NDUFA11: variants seen among roughly 807,000 people sequenced by gnomAD.
NDUFA11 encodes the protein NADH dehydrogenase [ubiquinone] 1 alpha subcomplex subunit 11.
NDUFA11 carries 14 observed loss-of-function variants against 11.3 expected under a neutral mutation model. The ratio of observed to expected loss-of-function variants is 1.24; its 90% confidence interval spans 0.82 to 1.94. The LOEUF is 1.94. Among genes scored for constraint, NDUFA11 ranks in the 30% most tolerant of loss-of-function variants. The pLI is 0.00. For synonymous variants in NDUFA11, 87 were observed against 85.6 expected (o/e 1.02, Z -0.09); for missense variants, 204 against 200.3 (o/e 1.02, Z -0.11).
chr19:5,895,000 G>A (rs1168371211), intron 3 of NDUFA11, 146 bp from the exon 4 acceptor site: 1 of 911,784 alleles, frequency 1.1e-6, no homozygotes. Context: ...TCAGGAAGAG[G>A]GCCCTAGACT....
chr19:5,894,873 G>A lies in NDUFA11; in HGVS notation c.314-19C>T, dbSNP rs761826291. ...TTGTGCGCTGTGGGAGTGGGGAGGT[G>A]ATGTCAGGCCCGGGTGGGGCTCGGC... On this transcript the variant is annotated intron_variant, in intron 3 of 3. Coordinates refer to ENST00000308961, the MANE Select transcript of NDUFA11 (RefSeq NM_175614.5). 6.3e-7 allele frequency: 1 copy of A among 1,584,326 alleles called. No homozygotes were observed. The highest frequency in any genetic ancestry group is 8.6e-7 in the Non-Finnish European group (1 of 1,164,462).
Position 5,896,459 on chromosome 19 carries a change from C to T in NDUFA11, c.307G>A (p.Ala103Thr). The change falls in exon 3 of 4, where the codon GCA (alanine) becomes ACA (threonine). Residue 103 changes from alanine (A) to threonine (T), a missense_variant. Coordinates refer to ENST00000308961, the MANE Select transcript of NDUFA11 (RefSeq NM_175614.5). The surrounding 1 kb of genome is among the most constrained non-coding windows in gnomAD (Gnocchi z 5.8). The part of the protein sequence containing the change: ...GGCAGGLTLG[A>T]RTHNYGIGAA... ...TGGGGAGGGGGCCACTCACTGCGTG[C>T]TCCCAGAGTCAGGCCTCCGGCGCAG... 1 of 1,571,650 alleles carries T rather than the reference C, an allele frequency of 6.4e-7. No individual in the cohort carries two copies. Among genetic ancestry groups the T allele is most frequent in the Non-Finnish European group, 8.6e-7 (1 of 1,159,022 alleles).
intron 1 of NDUFA11, among the ~76,000 whole-genome samples, chr19:5,897,925 C>T (rs1035735104): frequency 2.0e-5 from 3 of 152,218 alleles, no homozygotes; most frequent in African/African-American, 7.2e-5. Context: ...AGCCGGGGCT[C>T]CCCAATCCTC....
chr19:5,896,318 C>T lies in NDUFA11; in HGVS notation c.313+135G>A. 2 of 1,073,922 alleles carry T rather than the reference C, an allele frequency of 1.9e-6. No individual in the cohort carries two copies. Among genetic ancestry groups the T allele is most frequent in the South Asian group, 3.1e-5 (2 of 65,236 alleles). 66.5% of individuals were successfully genotyped at this position (1,073,922 alleles called of 1,614,324 possible). On this transcript the variant is annotated intron_variant, in intron 3 of 3. Transcript: ENST00000308961. This position sits in a 1 kb window ranked among gnomAD's most constrained non-coding sequence, Gnocchi z 5.8. ...GCAGCAGCAGCAGCTGTCGCTATGA[C>T]TGAAATGGCTGGTGTTCAAGAAGGC...
In NDUFA11 at chr19:5,896,455, C is replaced by A. The variant is rs199842745; in HGVS notation, c.311G>T (p.Arg104Leu). The change falls in exon 3 of 4, where the codon CGC becomes CTC. Residue 104 changes from arginine to leucine, a missense_variant and splice_region_variant. By Grantham distance (102) the Arg-to-Leu change is moderately radical. Transcript: ENST00000308961. This position sits in a 1 kb window ranked among gnomAD's most constrained non-coding sequence, Gnocchi z 5.8. Reference protein sequence around the residue: ...GCAGGLTLGARTHNYGIGAAA... With the variant: ...GCAGGLTLGALTHNYGIGAAA... ...GGGGTGGGGAGGGGGCCACTCACTG[C>A]GTGCTCCCAGAGTCAGGCCTCCGGC... is the stretch of plus-strand genomic sequence containing the variant. The A allele has an allele frequency of 8.8e-4, 1,384 of 1,570,574 alleles. 1 individual carries two copies. Among genetic ancestry groups the A allele is most frequent in the Non-Finnish European group, 9.4e-4 (1,093 of 1,158,518 alleles).
At chr19:5,899,815 A>G (rs935659441) in intron 1 of NDUFA11, 10 of 151,972 alleles carry the variant, frequency 6.6e-5, no homozygotes, top group African/African-American at 2.4e-4. Flanking sequence ...TGGGACCTGA[A>G]AAGTCCTGAT....
intron 1 of NDUFA11, among the ~76,000 whole-genome samples, chr19:5,897,394 C>T (rs1193399089): frequency 2.0e-5 from 3 of 152,164 alleles, no homozygotes; most frequent in African/African-American, 4.8e-5. Flanking sequence ...AGCCTCACAC[C>T]GCCAGCTCAG....
At chr19:5,900,267 TC>T (rs2057636659) in intron 1 of NDUFA11, among the ~76,000 whole-genome samples, 2 of 152,188 alleles carry the variant, frequency 1.3e-5, no homozygotes, top group Non-Finnish European at 2.9e-5. Flanking sequence ...CAGTGTGAAT[TC>T]ATTCATTCAT....
downstream of NDUFA11, chr19:5,893,377 G>A (rs1396123506): frequency 1.6e-6 from 1 of 626,752 alleles, no homozygotes; most frequent in Non-Finnish European, 2.8e-6. The surrounding 1 kb of genome is among the most constrained non-coding windows in gnomAD (Gnocchi z 4.1). Context: ...AGATGAGAGA[G>A]TCGCATAAGC....
chr19:5,893,532 C>A (rs2057589924), downstream of NDUFA11, among the ~76,000 whole-genome samples: 1 of 152,088 alleles, frequency 6.6e-6, no homozygotes, highest in African/African-American at 2.4e-5. The surrounding 1 kb of genome is among the most constrained non-coding windows in gnomAD (Gnocchi z 4.1). Context: ...AGCTCCTGGC[C>A]TCAAGCAATC....
At chr19:5,893,102 TG>T (rs1231714551), downstream of NDUFA11, 1 of 1,536,068 alleles carries the variant, frequency 6.5e-7, no homozygotes. This position sits in a 1 kb window ranked among gnomAD's most constrained non-coding sequence, Gnocchi z 4.1. Context: ...CCCCTTGTGC[TG>T]GAACACGCGT....
chr19:5,893,195 T>C, downstream of NDUFA11: 7 of 1,536,060 alleles, frequency 4.6e-6, no homozygotes, highest in Non-Finnish European at 6.1e-6. The surrounding 1 kb of genome is among the most constrained non-coding windows in gnomAD (Gnocchi z 4.1). Context: ...CAGTGGCTCA[T>C]GCCTATAATC....
Position 5,896,100 on chromosome 19 carries a change from G to T in NDUFA11, c.313+353C>A. 1 of 510,164 alleles carries T rather than the reference G, an allele frequency of 2.0e-6. No individual in the cohort carries two copies. Among genetic ancestry groups the T allele is most frequent in the East Asian group, 3.1e-5 (1 of 32,696 alleles). 31.6% of individuals were successfully genotyped at this position (510,164 alleles called of 1,614,324 possible). On this transcript the variant is annotated intron_variant, in intron 3 of 3. Coordinates refer to ENST00000308961, the MANE Select transcript of NDUFA11 (RefSeq NM_175614.5). This position sits in a 1 kb window ranked among gnomAD's most constrained non-coding sequence, Gnocchi z 5.8. ...GCGAGGGCGGCGGGGATGCTGGCTT[G>T]TACACAGGGTGGTCAGGACAGTGAG... is the stretch of plus-strand genomic sequence containing the variant.
downstream of NDUFA11, among the ~76,000 whole-genome samples, chr19:5,894,492 C>G (rs888304289): frequency 1.3e-5 from 2 of 152,194 alleles, no homozygotes. Flanking sequence ...CCTGGGCTCC[C>G]GATGGCCCCA....
At position 5,896,957 on chromosome 19, in the gene NDUFA11, C is replaced by G. The variant is rs138889960; in HGVS notation, c.138G>C (p.Pro46=). ...AAAYRVTLNP[P]GTFLEGVAKV... is the part of the protein sequence containing the mutation. ...TAGCCACTCCTTCAAGGAAGGTGCC[C>G]GGAGGATTGAGTGTGACTCTGTAGG... The change falls in exon 2 of 4, where the codon CCG becomes CCC. Residue 46 remains proline (P), a synonymous_variant. Transcript: ENST00000308961. The surrounding 1 kb of genome is among the most constrained non-coding windows in gnomAD (Gnocchi z 5.8). The G allele has an allele frequency of 3.1e-6, 5 of 1,613,992 alleles. No individual in the cohort carries two copies. The highest frequency in any genetic ancestry group is 4.2e-6 in the Non-Finnish European group (5 of 1,180,032).
chr19:5,896,861 T>C lies in NDUFA11; in HGVS notation c.190+44A>G. The C allele has an allele frequency of 2.6e-6, 4 of 1,516,208 alleles. No homozygotes were observed. The highest frequency in any genetic ancestry group is 1.4e-5 in the African/African-American group (1 of 72,994). 93.9% of individuals were successfully genotyped at this position (1,516,208 alleles called of 1,614,324 possible). ...TCAAATGTGCTCTGAGAGCTGGGGCTGTGCCAGGAGAGGGCCCAGCCATGC... is the reference window on the plus strand; with the variant it reads ...TCAAATGTGCTCTGAGAGCTGGGGCCGTGCCAGGAGAGGGCCCAGCCATGC... On this transcript the variant is annotated intron_variant, in intron 2 of 3. Coordinates refer to ENST00000308961, the MANE Select transcript of NDUFA11 (RefSeq NM_175614.5). This position sits in a 1 kb window ranked among gnomAD's most constrained non-coding sequence, Gnocchi z 5.8.
rs746264059 is a variant in NDUFA11, at chr19:5,896,511, G to T, written c.255C>A (p.Asp85Glu). 6.8e-5 allele frequency: 107 copies of T among 1,572,216 alleles called. No individual in the cohort carries two copies. The highest frequency in any genetic ancestry group is 8.5e-5 in the Non-Finnish European group (99 of 1,159,206). Residue 85 changes from aspartate (D) to glutamate (E), a missense_variant, in exon 3 of 4, where the codon GAC becomes GAA. Transcript: ENST00000308961. This position sits in a 1 kb window ranked among gnomAD's most constrained non-coding sequence, Gnocchi z 5.8. ...CACCGAGGAAGTAGTTCAGGGGGTC[G>T]TCGGGCTTCTCGCGGACATGGGCGC... ...CISAHVREKP[D>E]DPLNYFLGGC...
At chr19:5,893,249 G>A, downstream of NDUFA11, 1 of 1,496,718 alleles carries the variant, frequency 6.7e-7, no homozygotes, top group South Asian at 1.2e-5. The surrounding 1 kb of genome is among the most constrained non-coding windows in gnomAD (Gnocchi z 4.1). Flanking sequence ...CTCGAGGCCA[G>A]GAGTTTGAGA....
downstream of NDUFA11, chr19:5,892,378 G>C (rs954518930): frequency 6.4e-6 from 1 of 155,608 alleles, no homozygotes. Context: ...GGCCGGGGAA[G>C]GGCTTGCAGG....
Sources: gnomAD v4.1 joint callset for allele counts (sites outside exome capture counted in the v4.1 genomes callset) on GRCh38, gnomAD v4.1.1 for gene constraint, Gnocchi (gnomAD v3.1) non-coding constraint, MANE v1.5 for transcripts, NCBI Gene and HGNC (gene_info 2026-07-23, HGNC 2026-07-21) for gene names.